Variants in NUP210 observed in about 807,000 individuals in gnomAD.
NUP210 encodes nuclear pore membrane glycoprotein 210.
NUP210 carries 151 observed loss-of-function variants against 196.0 expected under a neutral mutation model. The observed-to-expected ratio is 0.77, with a 90% CI of 0.67 to 0.88. The LOEUF is 0.88. Ranked by LOEUF, NUP210 falls within the 40% of genes least tolerant of loss-of-function variation. The pLI, the probability that NUP210 is intolerant of heterozygous loss-of-function variation, is 0.00. For synonymous variants in NUP210, 1,070 were observed against 1,052.7 expected, an observed-to-expected ratio of 1.02 and a Z score of -0.32; for missense variants, 2,314 against 2,493.7, an observed-to-expected ratio of 0.93 and a Z score of 1.53.
chr3:13,376,187 G>T, intron 10 of NUP210, 104 bp downstream of exon 10: 1 of 1,161,492 alleles, frequency 8.6e-7, no homozygotes, highest in Non-Finnish European at 1.2e-6. Flanking sequence ...AGGGATGCAG[G>T]TGGCCCAACT....
chr3:13,323,583 G>C lies in NUP210; in HGVS notation c.4645-151C>G, dbSNP rs1696626918. 1.2e-6 allele frequency: 1 copy of C among 820,248 alleles called. No homozygotes were observed. 50.8% of individuals were successfully genotyped at this position (820,248 alleles called of 1,614,324 possible). A position where few individuals can be genotyped will look rare whatever the true frequency, so the allele number is the denominator to read the frequency against. Reference sequence around the variant, plus strand: ...GGCTCAAAGCCTAAACGCCTTGCTAGAATGTGGCAGAGAGGGGGTTTGAGC... The same window carrying C: ...GGCTCAAAGCCTAAACGCCTTGCTACAATGTGGCAGAGAGGGGGTTTGAGC... On this transcript the variant is annotated intron_variant, in intron 33 of 39. Coordinates refer to ENST00000254508, the MANE Select transcript of NUP210 (RefSeq NM_024923.4). The surrounding 1 kb of genome is among the most constrained non-coding windows in gnomAD (Gnocchi z 4.3).
At chr3:13,358,519 C>G (rs754026659) in intron 15 of NUP210, 124 bp from the exon 16 acceptor site, 6 of 922,046 alleles carry the variant, frequency 6.5e-6, no homozygotes, top group Non-Finnish European at 9.7e-6. Context: ...GGAGTGATGA[C>G]GATACCCATG....
chr3:13,374,890 T>C (rs1455688424), intron 11 of NUP210, among the ~76,000 whole-genome samples: 1 of 152,196 alleles, frequency 6.6e-6, no homozygotes, highest in African/African-American at 2.4e-5. Flanking sequence ...AGGACTGATG[T>C]GCCCTGCACT....
intron 28 of NUP210, among the ~76,000 whole-genome samples, chr3:13,333,334 A>C (rs1275351432): frequency 3.3e-5 from 5 of 152,240 alleles, no homozygotes; most frequent in Non-Finnish European, 7.3e-5. Flanking sequence ...AGCCTGGCTC[A>C]GGGGCAACCA....
intron 1 of NUP210, among the ~76,000 whole-genome samples, chr3:13,403,460 C>T (rs1024671914): frequency 5.9e-5 from 9 of 152,156 alleles, no homozygotes; most frequent in Non-Finnish European, 1.2e-4. Flanking sequence ...AAAGGTGCTA[C>T]CTCAAATGCC....
At chr3:13,355,049 C>T (rs1698121750) in intron 16 of NUP210, among the ~76,000 whole-genome samples, 1 of 152,228 alleles carries the variant, frequency 6.6e-6, no homozygotes, top group Non-Finnish European at 1.5e-5. Flanking sequence ...CCAGCTCCAC[C>T]TCTCAGTGCC....
Position 13,316,323 on chromosome 3 carries a change from C to G in NUP210, c.*1358G>C, listed in dbSNP as rs1286885054. ...TGTCAGTTTAAGCTCAAGTAATATGCAAGGCACAATTCTTCCTTTCTCCAG... is the reference window on the plus strand; with the variant it reads ...TGTCAGTTTAAGCTCAAGTAATATGGAAGGCACAATTCTTCCTTTCTCCAG... On this transcript the variant is annotated 3_prime_UTR_variant, in exon 40 of 40. Transcript: ENST00000254508. The G allele has an allele frequency of 1.3e-5, 2 of 152,260 alleles. No homozygotes were observed. The highest frequency in any genetic ancestry group is 2.9e-5 in the Non-Finnish European group (2 of 68,040). The allele number at this position is 152,260 out of a possible 1,614,324, so 9.4% of individuals were successfully genotyped here. A position where few individuals can be genotyped will look rare whatever the true frequency, so the allele number is the denominator to read the frequency against.
chr3:13,359,069 A>C (rs1209648585), intron 15 of NUP210, among the ~76,000 whole-genome samples: 1 of 152,200 alleles, frequency 6.6e-6, no homozygotes, highest in Non-Finnish European at 1.5e-5. Context: ...CAGCCTCCTC[A>C]GATAACATGC....
intron 6 of NUP210, 68 bp downstream of exon 6, chr3:13,386,207 A>G: frequency 1.3e-6 from 2 of 1,546,496 alleles, no homozygotes; most frequent in African/African-American, 1.4e-5. Flanking sequence ...ATTTTGTTAC[A>G]TGTATGTAAC....
chr3:13,378,862 A>T, intron 8 of NUP210, 50 bp downstream of exon 8: 1 of 1,332,750 alleles, frequency 7.5e-7, no homozygotes, highest in Non-Finnish European at 1.1e-6. Flanking sequence ...TTAAACTCAT[A>T]TAGTCACAAC....
chr3:13,361,088 A>G (rs1169826670), intron 14 of NUP210, among the ~76,000 whole-genome samples: 1 of 152,236 alleles, frequency 6.6e-6, no homozygotes, highest in Non-Finnish European at 1.5e-5. Context: ...GATATCCACC[A>G]GGTGACCAAA....
Position 13,319,972 on chromosome 3 carries a change from G to C in NUP210, c.5174C>G (p.Ser1725Cys), listed in dbSNP as rs1696451474. The change falls in exon 37 of 40, where the codon TCC becomes TGC. Residue 1725 changes from serine to cysteine, a missense_variant. Transcript: ENST00000254508. ...GAATGCCAGCACGGCCGGGGACCCG[G>C]ATTTCACCTGGAAGAGACATCAGAG... ...PEVLENLEVKSGSPAVLAFAK... is the reference protein window; with the variant it reads ...PEVLENLEVKCGSPAVLAFAK... 1 of 1,613,610 alleles carries C rather than the reference G, an allele frequency of 6.2e-7. No homozygotes were observed. The highest frequency in any genetic ancestry group is 1.3e-5 in the African/African-American group (1 of 75,070).
chr3:13,387,491 G>A (rs1699314208), intron 5 of NUP210, among the ~76,000 whole-genome samples: 2 of 152,208 alleles, frequency 1.3e-5, no homozygotes, highest in Admixed American at 1.3e-4. Context: ...CCCTATAACA[G>A]GGCATGTCCC....
chr3:13,347,369 CT>C lies in NUP210; in HGVS notation c.2836-4067del. ...CATCTCATGGGTTCCGCCTAGAGGA[CT>C]TGATTGAAATGTAAAGAATCGTTGA... On this transcript the variant is annotated intron_variant, in intron 20 of 39. Coordinates refer to ENST00000254508, the MANE Select transcript of NUP210 (RefSeq NM_024923.4). The surrounding 1 kb of genome is among the most constrained non-coding windows in gnomAD (Gnocchi z 4.7). 1 of 977,226 alleles carries C rather than the reference CT, an allele frequency of 1.0e-6. No individual in the cohort carries two copies. The highest frequency in any genetic ancestry group is 1.2e-6 in the Non-Finnish European group (1 of 822,544). 60.5% of individuals were successfully genotyped at this position (977,226 alleles called of 1,614,324 possible). A position where few individuals can be genotyped will look rare whatever the true frequency, so the allele number is the denominator to read the frequency against.
At position 13,377,498 on chromosome 3, in the gene NUP210, G is replaced by T; in HGVS notation, c.1110C>A (p.Ile370=). 1.9e-6 allele frequency: 3 copies of T among 1,613,784 alleles called. No individual in the cohort carries two copies. The highest frequency in any genetic ancestry group is 2.5e-6 in the Non-Finnish European group (3 of 1,179,770). ...LETGRLYEIT[I]EVFDKFSNKV... Reference sequence around the variant, plus strand: ...TGTTGCTGAACTTGTCAAAAACTTCGATGGTGATTTCATACAGGCGGCCGG... The same window carrying T: ...TGTTGCTGAACTTGTCAAAAACTTCTATGGTGATTTCATACAGGCGGCCGG... Residue 370 remains isoleucine (I), a synonymous_variant, in exon 9 of 40, where the codon ATC becomes ATA. Transcript: ENST00000254508.
At chr3:13,355,100 T>A (rs1408863497) in intron 16 of NUP210, among the ~76,000 whole-genome samples, 1 of 152,224 alleles carries the variant, frequency 6.6e-6, no homozygotes, top group African/African-American at 2.4e-5. Flanking sequence ...TTTCTCCAGC[T>A]ATGACACACA....
chr3:13,370,603 C>T (rs1019366569), intron 13 of NUP210, among the ~76,000 whole-genome samples: 3 of 152,318 alleles, frequency 2.0e-5, no homozygotes, highest in East Asian at 1.9e-4. Flanking sequence ...CTGCTGTCAG[C>T]GGGCCTCTCC....
At position 13,379,888 on chromosome 3, in the gene NUP210, C is replaced by CATGCT. The variant is rs1699048738; in HGVS notation, c.818-172_818-168dup. On this transcript the variant is annotated intron_variant, in intron 6 of 39. Transcript: ENST00000254508. The surrounding 1 kb of genome is among the most constrained non-coding windows in gnomAD (Gnocchi z 4.2). ...TGCTTTAAATGTTAATATTGTTCTG[C>CATGCT]ATGCTGGTGGACAAAACTGACACTC... Among the ~76,000 whole-genome samples, 1 of 152,148 alleles carries CATGCT rather than the reference C, an allele frequency of 6.6e-6. No individual in the cohort carries two copies. The highest frequency in any genetic ancestry group is 2.4e-5 in the African/African-American group (1 of 41,406).
chr3:13,327,087 G>T, intron 32 of NUP210, 130 bp downstream of exon 32: 1 of 681,942 alleles, frequency 1.5e-6, no homozygotes, highest in Non-Finnish European at 2.4e-6. Context: ...TTGGAGCACT[G>T]CTCCTGAGTA....
Sources: gnomAD v4.1 joint callset for allele counts (sites outside exome capture counted in the v4.1 genomes callset) on GRCh38, gnomAD v4.1.1 for gene constraint, Gnocchi (gnomAD v3.1) non-coding constraint, MANE v1.5 for transcripts, NCBI Gene and HGNC (gene_info 2026-07-23, HGNC 2026-07-21) for gene names.